The following INPP4A variants were observed in gnomAD, a reference collection of about 807,000 sequenced individuals.
INPP4A encodes the protein inositol polyphosphate-4-phosphatase, type I, 107kD.
A neutral mutation model predicts 119.8 loss-of-function variants in INPP4A; 33 were observed. The ratio of observed to expected loss-of-function variants is 0.28; its 90% CI spans 0.21 to 0.37. The LOEUF (loss-of-function observed/expected upper bound fraction) is 0.37. Ranked by LOEUF, INPP4A falls within the 10% of genes least tolerant of loss-of-function variation. The pLI, the probability that INPP4A is intolerant of heterozygous loss-of-function variation, is 1.00. For synonymous variants in INPP4A, 496 were observed against 500.7 expected (o/e 0.99, Z 0.12); for missense variants, 956 against 1,289.9 (o/e 0.74, Z 3.97).
In INPP4A at chr2:98,565,899, G is replaced by A; in HGVS notation, c.2280-130G>A. On this transcript the variant is annotated intron_variant, in intron 20 of 24. Coordinates refer to ENST00000409851, the MANE Select transcript of INPP4A (RefSeq NM_001134225.2). ...GCTCTGATTACAGCCCCCTAGGTTA[G>A]TGCCACTCCCTTAAAGGTCTGTGGT... 4 of 1,500,426 alleles carry A rather than the reference G, an allele frequency of 2.7e-6. 1 individual carries two copies. Among genetic ancestry groups the A allele is most frequent in the Middle Eastern group, 3.6e-4 (2 of 5,586 alleles). 92.9% of individuals were successfully genotyped at this position (1,500,426 alleles called of 1,614,324 possible).
chr2:98,539,910 A>G (rs1378296305), intron 10 of INPP4A, among the ~76,000 whole-genome samples: 1 of 151,922 alleles, frequency 6.6e-6, no homozygotes, highest in African/African-American at 2.4e-5. Flanking sequence ...TGTGCCCCAC[A>G]CTCAGAACCT....
At chr2:98,523,370 TTTTTG>T (rs1687585554) in intron 4 of INPP4A, among the ~76,000 whole-genome samples, 2 of 152,138 alleles carry the variant, frequency 1.3e-5, no homozygotes, top group African/African-American at 4.8e-5. Context: ...ACCCCAGTTT[TTTTTG>T]TTTTGTTTTT....
chr2:98,544,343 G>A (rs1040930937), intron 11 of INPP4A, among the ~76,000 whole-genome samples: 1 of 152,208 alleles, frequency 6.6e-6, no homozygotes, highest in Non-Finnish European at 1.5e-5. Context: ...GCTTCATGTT[G>A]TTTCTTCATC....
At chr2:98,527,242 C>T (rs991488028) in intron 4 of INPP4A, among the ~76,000 whole-genome samples, 1 of 152,134 alleles carries the variant, frequency 6.6e-6, no homozygotes, top group East Asian at 1.9e-4. Context: ...CAAAAAAGCC[C>T]CTTTCTTAGA....
chr2:98,512,985 C>T (rs553295576), intron 1 of INPP4A, among the ~76,000 whole-genome samples: 445 of 152,254 alleles, frequency 2.9e-3, no homozygotes, highest in Non-Finnish European at 4.6e-3. Context: ...GCATATTTGA[C>T]TTTGTTTAAA....
intron 1 of INPP4A, among the ~76,000 whole-genome samples, chr2:98,479,282 G>T (rs542453099): frequency 6.6e-6 from 1 of 152,162 alleles, no homozygotes; most frequent in East Asian, 1.9e-4. Context: ...GTGCTGATGG[G>T]GGGTATCTGC....
At chr2:98,489,992 A>C (rs917189457) in intron 1 of INPP4A, among the ~76,000 whole-genome samples, 2 of 151,458 alleles carry the variant, frequency 1.3e-5, no homozygotes, top group Admixed American at 1.3e-4. Context: ...GCCTAGGGTG[A>C]TGGAGCTAAT....
intron 4 of INPP4A, among the ~76,000 whole-genome samples, chr2:98,530,002 A>C (rs1336542443): frequency 6.6e-6 from 1 of 152,144 alleles, no homozygotes; most frequent in East Asian, 1.9e-4. Flanking sequence ...AAGCAGAGAG[A>C]GAGCTGGAAA....
intron 13 of INPP4A, among the ~76,000 whole-genome samples, chr2:98,548,380 G>C (rs1692866737): frequency 6.6e-6 from 1 of 152,186 alleles, no homozygotes; most frequent in South Asian, 2.1e-4. Flanking sequence ...GCAGCTTCCT[G>C]TGCCACCGCA....
chr2:98,576,977 T>G lies in INPP4A; in HGVS notation c.2632-12T>G. On this transcript the variant is annotated splice_polypyrimidine_tract_variant and intron_variant, in intron 23 of 24. Transcript: ENST00000409851. ...CCTCGCCTCTAAGCACGGCCCATGT[T>G]TCTGTTGGCAGATCTGCCGCCGCCT... 1.2e-6 allele frequency: 2 copies of G among 1,608,322 alleles called. No individual in the cohort carries two copies. The highest frequency in any genetic ancestry group is 1.7e-6 in the Non-Finnish European group (2 of 1,175,602).
chr2:98,505,338 G>C (rs1406573228), intron 1 of INPP4A, among the ~76,000 whole-genome samples: 1 of 152,252 alleles, frequency 6.6e-6, no homozygotes, highest in African/African-American at 2.4e-5. Flanking sequence ...TGTGTCTCAT[G>C]AGTGGGCTGA....
At chr2:98,583,316 G>T (rs1323263688) in intron 24 of INPP4A, among the ~76,000 whole-genome samples, 2 of 142,800 alleles carry the variant, frequency 1.4e-5, no homozygotes, top group Admixed American at 1.4e-4. Flanking sequence ...AAAAATCAAA[G>T]AAAAAATGCC....
chr2:98,451,935 A>G (rs769330743), intron 1 of INPP4A, among the ~76,000 whole-genome samples: 49 of 152,306 alleles, frequency 3.2e-4, no homozygotes, highest in Admixed American at 4.6e-4. Flanking sequence ...TTGGTTGCCA[A>G]CAGTGACATT....
At position 98,591,562 on chromosome 2, in the gene INPP4A, C is replaced by T. The variant is rs1385106362; in HGVS notation, c.*3954C>T. Reference sequence around the variant, plus strand: ...GTCAGGACGCCCAGACATCAGCTACCGTGAGCTTCTTCCTGCCCTCCCTCC... The same window carrying T: ...GTCAGGACGCCCAGACATCAGCTACTGTGAGCTTCTTCCTGCCCTCCCTCC... On this transcript the variant is annotated 3_prime_UTR_variant, in exon 25 of 25. Transcript: ENST00000409851. 1 of 152,078 alleles carries T rather than the reference C, an allele frequency of 6.6e-6. No homozygotes were observed. Among genetic ancestry groups the T allele is most frequent in the East Asian group, 1.9e-4 (1 of 5,188 alleles). The allele number at this position is 152,078 out of a possible 1,614,324, so 9.4% of individuals were successfully genotyped here. A position where few individuals can be genotyped will look rare whatever the true frequency, so the allele number is the denominator to read the frequency against.
intron 1 of INPP4A, among the ~76,000 whole-genome samples, chr2:98,481,637 A>G (rs1678487621): frequency 6.6e-6 from 1 of 152,180 alleles, no homozygotes; most frequent in African/African-American, 2.4e-5. Flanking sequence ...GGAAGGAAGG[A>G]TTTATTATGT....
At chr2:98,559,572 A>G in intron 17 of INPP4A, 77 bp downstream of exon 17, 1 of 1,445,908 alleles carries the variant, frequency 6.9e-7, no homozygotes. Context: ...GCTAAATTAC[A>G]AAAGATTGCC....
Position 98,554,324 on chromosome 2 carries a change from T to C in INPP4A, c.1401T>C (p.His467=). ...CDCKLLANSI[H]GLNAARPDYI... ...GCAAGCTCCTGGCCAACTCCATCCATGGGCTGAACGCTGCACGGCCTGACT... is the reference window on the plus strand; with the variant it reads ...GCAAGCTCCTGGCCAACTCCATCCACGGGCTGAACGCTGCACGGCCTGACT... Residue 467 remains histidine (H), a synonymous_variant, in exon 15 of 25, where the codon CAT becomes CAC. Coordinates refer to ENST00000409851, the MANE Select transcript of INPP4A (RefSeq NM_001134225.2). The surrounding 1 kb of genome is among the most constrained non-coding windows in gnomAD (Gnocchi z 4.7). The C allele has an allele frequency of 4.3e-6, 7 of 1,612,830 alleles. No homozygotes were observed. Among genetic ancestry groups the C allele is most frequent in the Non-Finnish European group, 5.9e-6 (7 of 1,179,524 alleles).
At chr2:98,559,834 A>G (rs903217301) in intron 17 of INPP4A, among the ~76,000 whole-genome samples, 1 of 152,222 alleles carries the variant, frequency 6.6e-6, no homozygotes, top group Non-Finnish European at 1.5e-5. Flanking sequence ...AATTCTTACC[A>G]GACATTGCTA....
chr2:98,586,167 A>C (rs1312247633), intron 24 of INPP4A, among the ~76,000 whole-genome samples: 1 of 152,238 alleles, frequency 6.6e-6, no homozygotes, highest in African/African-American at 2.4e-5. Flanking sequence ...CGTGACAAGA[A>C]AGCATATCCA....
Sources: gnomAD v4.1 joint callset for allele counts (sites outside exome capture counted in the v4.1 genomes callset) on GRCh38, gnomAD v4.1.1 for gene constraint, Gnocchi (gnomAD v3.1) non-coding constraint, MANE v1.5 for transcripts, NCBI Gene and HGNC (gene_info 2026-07-23, HGNC 2026-07-21) for gene names.